Variants in WDR93 observed in about 807,000 individuals in gnomAD.
WDR93 encodes WD repeat-containing protein 93.
Under a neutral mutation model 82.9 loss-of-function variants are expected in WDR93, and 73 were observed. The ratio of observed to expected loss-of-function variants is 0.88; its 90% confidence interval spans 0.73 to 1.07. The LOEUF (loss-of-function observed/expected upper bound fraction) is 1.07. WDR93 is among the 50% of genes least tolerant of loss of function. The pLI, the probability that WDR93 is intolerant of heterozygous loss-of-function variation, is 0.00. For missense variants in WDR93, 738 were observed against 826.0 expected (o/e 0.89, Z 1.31); for synonymous variants, 283 against 300.1 (o/e 0.94, Z 0.59).
Position 89,733,046 on chromosome 15 carries a change from C to T in WDR93, c.1371C>T (p.Phe457=), listed in dbSNP as rs777328738. 1 of 1,614,200 alleles carries T rather than the reference C, an allele frequency of 6.2e-7. No homozygotes were observed. The highest frequency in any genetic ancestry group is 2.2e-5 in the East Asian group (1 of 44,890). ...LGVAALPQGC[F]CQSIHFLKYF... is the part of the protein sequence containing the mutation. ...TCGCTGCTCTTCCTCAGGGATGTTT[C>T]TGCCAAAGCATTCACTTCCTAAAAT... The change falls in exon 13 of 17, where the codon TTC becomes TTT. Residue 457 remains phenylalanine (F), a synonymous_variant. Coordinates refer to ENST00000268130, the MANE Select transcript of WDR93 (RefSeq NM_020212.2).
chr15:89,733,768 C>T (rs566812552), intron 13 of WDR93, among the ~76,000 whole-genome samples: 4 of 152,274 alleles, frequency 2.6e-5, no homozygotes, highest in East Asian at 3.9e-4. Context: ...TTGGACTTCT[C>T]AGCCTCCAGA....
chr15:89,737,910 T>A, intron 15 of WDR93, 131 bp from the exon 16 acceptor site: 1 of 1,322,792 alleles, frequency 7.6e-7, no homozygotes, highest in Non-Finnish European at 1.0e-6. Context: ...GTCTTCTCTC[T>A]GAAGTCACAG....
At chr15:89,694,291 C>T (rs1302028596) in intron 1 of WDR93, among the ~76,000 whole-genome samples, 1 of 146,816 alleles carries the variant, frequency 6.8e-6, no homozygotes, top group Non-Finnish European at 1.5e-5. Context: ...CGCTCTGTCG[C>T]CCAGGCTGGA....
rs1966840443 is a variant in WDR93 at position 89,729,082 on chromosome 15, AG to A, written c.1115del (p.Gly372AlafsTer24). 2.5e-6 allele frequency: 4 copies of A among 1,613,838 alleles called. No individual in the cohort carries two copies. In the African/African-American group the frequency reaches 4.0e-5, roughly 16 times the overall value. ...SCLFAMPPEV[K>X]GPSGMACVLG... ...CTATTTGCAATGCCACCGGAAGTCA[AG>A]GGCCCCTCAGGTAAATGAACATGAA... On this transcript the variant is annotated frameshift_variant, in exon 10 of 17. Coordinates refer to ENST00000268130, the MANE Select transcript of WDR93 (RefSeq NM_020212.2). LOFTEE classifies it high-confidence loss of function.
At chr15:89,739,922 G>A (rs1022488103) in intron 16 of WDR93, among the ~76,000 whole-genome samples, 1 of 152,156 alleles carries the variant, frequency 6.6e-6, no homozygotes, top group African/African-American at 2.4e-5. Context: ...GAAGTAGACT[G>A]GTTAAGATAT....
rs1363872557 is a variant in WDR93 at position 89,729,088 on chromosome 15, C to G, written c.1118C>G (p.Pro373Arg). 1 of 1,613,948 alleles carries G rather than the reference C, an allele frequency of 6.2e-7. No individual in the cohort carries two copies. Among genetic ancestry groups the G allele is most frequent in the East Asian group, 2.2e-5 (1 of 44,878 alleles). The change falls in exon 10 of 17, where the codon CCC becomes CGC. Residue 373 changes from proline to arginine, a missense_variant. Physicochemically the swap from Pro to Arg is moderately radical, Grantham distance 103. Transcript: ENST00000268130. ...GCAATGCCACCGGAAGTCAAGGGCC[C>G]CTCAGGTAAATGAACATGAAGTGGG... ...LFAMPPEVKG[P>R]SGMACVLGIH...
chr15:89,712,001 C>T, intron 4 of WDR93, 25 bp from the exon 5 acceptor site: 1 of 1,595,246 alleles, frequency 6.3e-7, no homozygotes, highest in Non-Finnish European at 8.6e-7. Flanking sequence ...TATGCCTACT[C>T]TATCAACATC....
rs1236787299 is a variant in WDR93, at chr15:89,719,345, T to A, written c.795+2396T>A. On this transcript the variant is annotated intron_variant, in intron 7 of 16. Transcript: ENST00000268130. ...GGTAGACTTTACTAATGTGTCCATC[T>A]AGTCCTGGAGCTTTCTTTGTGGAAC... is the stretch of plus-strand genomic sequence containing the variant. Among the ~76,000 whole-genome samples the A allele has an allele frequency of 8.5e-5, 13 of 152,258 alleles. 1 individual carries two copies.
At chr15:89,691,850 A>AT (rs1964904984) in intron 1 of WDR93, among the ~76,000 whole-genome samples, 1 of 152,250 alleles carries the variant, frequency 6.6e-6, no homozygotes, top group African/African-American at 2.4e-5. Context: ...ATGTTTAAAT[A>AT]TTTTAGTTAT....
At chr15:89,703,201 A>G (rs751503405) in intron 3 of WDR93, 59 bp downstream of exon 3, 7 of 1,587,866 alleles carry the variant, frequency 4.4e-6, no homozygotes, top group Admixed American at 1.7e-5. Flanking sequence ...ACTGTTGTCA[A>G]TTTAATCTCC....
rs1016258285 is a variant in WDR93 at position 89,701,967 on chromosome 15, T to C, written c.221T>C (p.Ile74Thr). The C allele has an allele frequency of 6.2e-7, 1 of 1,613,956 alleles. No individual in the cohort carries two copies. Among genetic ancestry groups the C allele is most frequent in the Non-Finnish European group, 8.5e-7 (1 of 1,180,026 alleles). Residue 74 changes from isoleucine to threonine, a missense_variant, in exon 2 of 17, where the codon ATT becomes ACT. Transcript: ENST00000268130. ...CTTCTGTTTGACCAGTCTTGGGAAA[T>C]TATTGAAGAGAGAAACGCACTGAGG... The part of the protein sequence containing the change: ...VNLLFDQSWE[I>T]IEERNALREA...
intron 16 of WDR93, among the ~76,000 whole-genome samples, chr15:89,741,546 A>G (rs1332509719): frequency 6.6e-6 from 1 of 152,192 alleles, no homozygotes; most frequent in African/African-American, 2.4e-5. Context: ...ACCATTACAG[A>G]TACAGGGAAT....
At chr15:89,727,441 C>A in intron 9 of WDR93, 113 bp downstream of exon 9, 1 of 1,245,828 alleles carries the variant, frequency 8.0e-7, no homozygotes, top group Non-Finnish European at 1.1e-6. Context: ...AAAGCTCTTT[C>A]TGGGGCCGGG....
At chr15:89,740,334 T>C (rs1007304589) in intron 16 of WDR93, among the ~76,000 whole-genome samples, 1 of 152,178 alleles carries the variant, frequency 6.6e-6, no homozygotes, top group African/African-American at 2.4e-5. Flanking sequence ...TGGGAGGCTC[T>C]CGGTACCTCC....
Position 89,702,977 on chromosome 15 carries a change from G to T in WDR93, c.331G>T (p.Val111Phe). 1.2e-6 allele frequency: 2 copies of T among 1,614,112 alleles called. No individual in the cohort carries two copies. Among genetic ancestry groups the T allele is most frequent in the Non-Finnish European group, 1.7e-6 (2 of 1,180,010 alleles). The change falls in exon 3 of 17, where the codon GTT (valine) becomes TTT (phenylalanine). Residue 111 changes from valine (V) to phenylalanine (F), a missense_variant. Val to Phe is a conservative substitution (Grantham distance 50). Coordinates refer to ENST00000268130, the MANE Select transcript of WDR93 (RefSeq NM_020212.2). ...QLNKMPNCMA[V>F]SQDYVFIGGA... ...CAACAAAATGCCAAATTGTATGGCT[G>T]TTTCCCAAGACTATGTGTTTATTGG...
Position 89,702,987 on chromosome 15 carries a change from A to T in WDR93, c.341A>T (p.Asp114Val), listed in dbSNP as rs777552078. Residue 114 changes from aspartate (D) to valine (V), a missense_variant, in exon 3 of 17, where the codon GAC (aspartate) becomes GTC (valine). By Grantham distance (152) the Asp-to-Val change is radical. Transcript: ENST00000268130. Reference protein sequence around the residue: ...KMPNCMAVSQDYVFIGGAKGF... With the variant: ...KMPNCMAVSQVYVFIGGAKGF... ...CCAAATTGTATGGCTGTTTCCCAAGACTATGTGTTTATTGGAGGAGCCAAA... is the reference window on the plus strand; with the variant it reads ...CCAAATTGTATGGCTGTTTCCCAAGTCTATGTGTTTATTGGAGGAGCCAAA... The T allele has an allele frequency of 2.5e-6, 4 of 1,614,174 alleles. No individual in the cohort carries two copies. The highest frequency in any genetic ancestry group is 3.4e-6 in the Non-Finnish European group (4 of 1,180,016).
At chr15:89,719,616 G>C (rs1186382826) in intron 7 of WDR93, 1 of 151,760 alleles carries the variant, frequency 6.6e-6, no homozygotes, top group African/African-American at 2.4e-5. Flanking sequence ...TTCTTAATCA[G>C]TTTGGCTAAA....
upstream of WDR93, chr15:89,690,702 C>G: frequency 8.6e-7 from 1 of 1,164,718 alleles, no homozygotes; most frequent in Non-Finnish European, 1.2e-6. Flanking sequence ...GTCGGATCCC[C>G]AGGGAACGGT....
intron 14 of WDR93, among the ~76,000 whole-genome samples, chr15:89,735,947 C>T (rs774998426): frequency 6.6e-5 from 10 of 152,150 alleles, no homozygotes; most frequent in Non-Finnish European, 1.2e-4. Context: ...GAGAGCACCA[C>T]GTGTCCCGGG....
Sources: allele counts gnomAD v4.1 joint callset (sites outside exome capture counted in the v4.1 genomes callset), GRCh38; gene constraint gnomAD v4.1.1; transcripts MANE v1.5; gene names NCBI Gene and HGNC (gene_info 2026-07-23, HGNC 2026-07-21).